The following MYT1L variants were observed in gnomAD, a reference collection of about 807,000 sequenced individuals.
The protein encoded by MYT1L is myelin transcription factor 1-like protein.
A neutral mutation model predicts 126.7 loss-of-function variants in MYT1L; 12 were observed. That is an observed-to-expected ratio of 0.09 (90% confidence interval 0.06 to 0.15). MYT1L has a LOEUF of 0.15. Ranked by LOEUF, MYT1L falls within the 10% of genes least tolerant of loss-of-function variation. MYT1L has a pLI of 1.00. For missense variants in MYT1L, 979 were observed against 1,585.2 expected (o/e 0.62, Z 6.49); for synonymous variants, 541 against 604.2 (o/e 0.90, Z 1.53).
chr2:2,018,734 T>G (rs908259535), intron 4 of MYT1L, among the ~76,000 whole-genome samples: 1 of 152,152 alleles, frequency 6.6e-6, no homozygotes, highest in Non-Finnish European at 1.5e-5. Flanking sequence ...CAATGGATTC[T>G]CCTGTTTCAC....
chr2:2,087,262 T>C (rs774172270), intron 3 of MYT1L, among the ~76,000 whole-genome samples: 4 of 152,130 alleles, frequency 2.6e-5, no homozygotes, highest in Non-Finnish European at 4.4e-5. Flanking sequence ...CTTCTTTTTT[T>C]AAAAAAAGGA....
chr2:1,897,139 T>C (rs957804024), intron 14 of MYT1L, among the ~76,000 whole-genome samples: 3 of 152,240 alleles, frequency 2.0e-5, no homozygotes, highest in African/African-American at 7.2e-5. Flanking sequence ...AAAAATGTCA[T>C]TTAAAAGTTT....
Position 2,190,985 on chromosome 2 carries a change from A to G in MYT1L, c.-420-17997T>C, listed in dbSNP as rs141406414. ...TTTTTAGTAGAGACAGGGTTTCTCC[A>G]TGTTGGTCAGGCAGGTCTCAAACTC... On this transcript the variant is annotated intron_variant, in intron 2 of 24. Coordinates refer to ENST00000647738, the MANE Select transcript of MYT1L (RefSeq NM_001303052.2). Among the ~76,000 whole-genome samples the G allele has an allele frequency of 9.1e-3, 1,384 of 152,288 alleles. 25 individuals are homozygous for G. The highest frequency in any genetic ancestry group is 0.031 in the African/African-American group (1,302 of 41,548).
At chr2:1,888,373 T>C (rs2048409938) in intron 16 of MYT1L, among the ~76,000 whole-genome samples, 1 of 152,248 alleles carries the variant, frequency 6.6e-6, no homozygotes, top group South Asian at 2.1e-4. Flanking sequence ...GATTTGGTTC[T>C]TTTTCACAAT....
At chr2:1,861,948 C>CTT (rs2044717299) in intron 18 of MYT1L, among the ~76,000 whole-genome samples, 2 of 124,136 alleles carry the variant, frequency 1.6e-5, no homozygotes, top group Admixed American at 8.2e-5. Flanking sequence ...CCTGGATCTG[C>CTT]CTGCAGCCTG....
intron 23 of MYT1L, among the ~76,000 whole-genome samples, chr2:1,796,636 C>T (rs2033570450): frequency 6.6e-6 from 1 of 152,174 alleles, no homozygotes; most frequent in South Asian, 2.1e-4. Context: ...CCCATCCCCA[C>T]CTCCCTGACA....
At chr2:2,120,885 C>T (rs111645480) in intron 3 of MYT1L, among the ~76,000 whole-genome samples, 6 of 151,860 alleles carry the variant, frequency 4.0e-5, no homozygotes, top group Admixed American at 1.3e-4. Context: ...CCATTGAGTG[C>T]GCACTGTGTG....
At chr2:1,961,160 T>C (rs1479172346) in intron 8 of MYT1L, among the ~76,000 whole-genome samples, 1 of 152,192 alleles carries the variant, frequency 6.6e-6, no homozygotes, top group Non-Finnish European at 1.5e-5. Context: ...CCCTACCAAA[T>C]ATTGTAATTT....
At chr2:2,257,317 G>A (rs773793358) in intron 2 of MYT1L, among the ~76,000 whole-genome samples, 1 of 152,138 alleles carries the variant, frequency 6.6e-6, no homozygotes, top group Non-Finnish European at 1.5e-5. Context: ...AATGACTGAC[G>A]GTTTTCTCTA....
intron 4 of MYT1L, among the ~76,000 whole-genome samples, chr2:2,012,980 G>A (rs143027652): frequency 6.6e-6 from 1 of 152,114 alleles, no homozygotes; most frequent in Non-Finnish European, 1.5e-5. Flanking sequence ...GCAAATATGT[G>A]TGTATGTGAA....
intron 2 of MYT1L, among the ~76,000 whole-genome samples, chr2:2,221,223 T>C (rs1383016001): frequency 6.6e-6 from 1 of 152,176 alleles, no homozygotes; most frequent in Non-Finnish European, 1.5e-5. Flanking sequence ...TGAGCCTTCT[T>C]GCTCCCTGAG....
At chr2:2,283,465 T>C (rs2095477834) in intron 2 of MYT1L, among the ~76,000 whole-genome samples, 2 of 152,202 alleles carry the variant, frequency 1.3e-5, no homozygotes, top group African/African-American at 4.8e-5. Context: ...GATGATGCCT[T>C]GAAAAGTATA....
chr2:2,131,659 G>C (rs961281282), intron 3 of MYT1L, among the ~76,000 whole-genome samples: 10 of 152,064 alleles, frequency 6.6e-5, no homozygotes, highest in Admixed American at 5.2e-4. Flanking sequence ...ATATATTCAT[G>C]ACAAGCTGTC....
intron 5 of MYT1L, among the ~76,000 whole-genome samples, chr2:1,983,116 T>C (rs895076578): frequency 6.6e-6 from 1 of 152,210 alleles, no homozygotes; most frequent in Non-Finnish European, 1.5e-5. Flanking sequence ...TACACTAAAA[T>C]ATTCCTCTTG....
intron 18 of MYT1L, among the ~76,000 whole-genome samples, chr2:1,879,980 T>A (rs186881886): frequency 2.6e-5 from 4 of 152,330 alleles, no homozygotes; most frequent in African/African-American, 9.6e-5. Flanking sequence ...TCCTCATGAT[T>A]TTCTTCTGAA....
At chr2:2,015,499 C>T (rs1484517062) in intron 4 of MYT1L, among the ~76,000 whole-genome samples, 2 of 152,138 alleles carry the variant, frequency 1.3e-5, no homozygotes, top group African/African-American at 4.8e-5. Flanking sequence ...AAACAGGATC[C>T]TAAAAGGGCT....
At chr2:1,872,425 A>G (rs2046387204) in intron 18 of MYT1L, among the ~76,000 whole-genome samples, 1 of 152,236 alleles carries the variant, frequency 6.6e-6, no homozygotes, top group Non-Finnish European at 1.5e-5. Context: ...GAGGACAGGG[A>G]GAAGGCAGCG....
chr2:2,108,187 G>A (rs1054878583), intron 3 of MYT1L, among the ~76,000 whole-genome samples: 1 of 152,144 alleles, frequency 6.6e-6, no homozygotes. Flanking sequence ...CTAACCCACT[G>A]CTAGAGTCCC....
Position 1,813,170 on chromosome 2 carries a change from G to A in MYT1L, c.3081-4003C>T, listed in dbSNP as rs545926303. On this transcript the variant is annotated intron_variant, in intron 21 of 24. Coordinates refer to ENST00000647738, the MANE Select transcript of MYT1L (RefSeq NM_001303052.2). Reference sequence around the variant, plus strand: ...TGCGAATGGCATTGAGGGGCCAGGAGCTGCAGGTGGGGGGGAGAGAGGGAG... The same window carrying A: ...TGCGAATGGCATTGAGGGGCCAGGAACTGCAGGTGGGGGGGAGAGAGGGAG... Among the ~76,000 whole-genome samples the A allele has an allele frequency of 2.0e-5, 3 of 152,342 alleles. No individual in the cohort carries two copies. The South Asian group carries it at 6.2e-4, about 32-fold the overall frequency.
Sources: allele counts gnomAD v4.1 joint callset (sites outside exome capture counted in the v4.1 genomes callset), GRCh38; gene constraint gnomAD v4.1.1; transcripts MANE v1.5; gene names NCBI Gene and HGNC (gene_info 2026-07-23, HGNC 2026-07-21).